Variants in TP63 observed in about 807,000 individuals in gnomAD.
TP63 encodes the protein tumor protein 63.
In TP63, 17 loss-of-function variants were observed where a neutral mutation model predicts 82.8. The ratio of observed to expected loss-of-function variants is 0.21; its 90% CI spans 0.14 to 0.31. The LOEUF is 0.31. TP63 is among the 10% of genes least tolerant of loss of function. The probability of loss-of-function intolerance (pLI) is 1.00; values close to 1 mark genes in which losing one functional copy is unlikely to be tolerated. For synonymous variants in TP63, 330 were observed against 321.7 expected, an observed-to-expected ratio of 1.03 and a Z score of -0.28; for missense variants, 648 against 895.3, an observed-to-expected ratio of 0.72 and a Z score of 3.52.
chr3:189,894,336 T>C lies in TP63; in HGVS notation c.1877T>C (p.Val626Ala), dbSNP rs372318389. The C allele has an allele frequency of 6.2e-7, 1 of 1,613,770 alleles. No homozygotes were observed. Among genetic ancestry groups the C allele is most frequent in the Non-Finnish European group, 8.5e-7 (1 of 1,179,938 alleles). ...LLRTPSSASTVSVGSSETRGE... is the reference protein window; with the variant it reads ...LLRTPSSASTASVGSSETRGE... ...CGGACCCCAAGCAGTGCCTCTACAG[T>C]CAGTGTGGGCTCCAGTGAGACCCGG... The change falls in exon 14 of 14, where the codon GTC (valine) becomes GCC (alanine). Residue 626 changes from valine (V) to alanine (A), a missense_variant. Physicochemically the swap from Val to Ala is moderately conservative, Grantham distance 64. Coordinates refer to ENST00000264731, the MANE Select transcript of TP63 (RefSeq NM_003722.5).
At chr3:189,644,037 T>A (rs1712171910) in intron 1 of TP63, among the ~76,000 whole-genome samples, 1 of 152,190 alleles carries the variant, frequency 6.6e-6, no homozygotes, top group Non-Finnish European at 1.5e-5. Flanking sequence ...TATTCCCTTT[T>A]GATTGCCTTC....
At chr3:189,894,093 A>C in intron 13 of TP63, 113 bp from the exon 14 acceptor site, 2 of 1,339,186 alleles carry the variant, frequency 1.5e-6, no homozygotes, top group Non-Finnish European at 2.1e-6. Context: ...TTTGTGGATC[A>C]ATAGATTCAG....
intron 3 of TP63, among the ~76,000 whole-genome samples, chr3:189,784,830 C>T (rs1724477932): frequency 6.6e-6 from 1 of 152,034 alleles, no homozygotes; most frequent in South Asian, 2.1e-4. Flanking sequence ...CCTTCAGTAG[C>T]TTCCTCAAAT....
At chr3:189,687,106 A>C (rs2108708921) in intron 1 of TP63, among the ~76,000 whole-genome samples, 1 of 152,148 alleles carries the variant, frequency 6.6e-6, no homozygotes, top group Middle Eastern at 3.4e-3. Context: ...TTAGCACTCT[A>C]GATAAGGGAG....
chr3:189,606,113 T>C, the TP63 span, among the ~76,000 whole-genome samples: 1 of 152,200 alleles, frequency 6.6e-6, no homozygotes, highest in Non-Finnish European at 1.5e-5. Context: ...GAAAGAAACA[T>C]TGCTATTCAT....
chr3:189,803,691 G>A (rs542266872), intron 3 of TP63, among the ~76,000 whole-genome samples: 1 of 152,260 alleles, frequency 6.6e-6, no homozygotes, highest in Non-Finnish European at 1.5e-5. Flanking sequence ...AGATCAGCTA[G>A]TTTGTGAGGA....
intron 1 of TP63, among the ~76,000 whole-genome samples, chr3:189,688,597 A>G (rs1305234920): frequency 6.6e-6 from 1 of 152,184 alleles, no homozygotes; most frequent in Non-Finnish European, 1.5e-5. Flanking sequence ...TTTTGCTAGT[A>G]AAGATGTGGC....
intron 1 of TP63, among the ~76,000 whole-genome samples, chr3:189,705,809 T>C (rs1474618187): frequency 6.6e-6 from 1 of 152,176 alleles, no homozygotes; most frequent in Non-Finnish European, 1.5e-5. Context: ...AACACTGGCC[T>C]AGACCTGAAA....
At chr3:189,608,597 C>T in the TP63 span, among the ~76,000 whole-genome samples, 15 of 152,156 alleles carry the variant, frequency 9.9e-5, 1 homozygote, top group African/African-American at 3.6e-4. Context: ...GACTTTTATA[C>T]TTTGTATCTC....
At chr3:189,652,462 A>G (rs1187145390) in intron 1 of TP63, among the ~76,000 whole-genome samples, 1 of 147,166 alleles carries the variant, frequency 6.8e-6, no homozygotes, top group Non-Finnish European at 1.5e-5. Flanking sequence ...TATTGTATCT[A>G]GGAAGTAACT....
intron 1 of TP63, among the ~76,000 whole-genome samples, chr3:189,694,636 T>A (rs1394678365): frequency 6.6e-6 from 1 of 151,974 alleles, no homozygotes; most frequent in Non-Finnish European, 1.5e-5. Context: ...CACATTATAT[T>A]AAGGGTACAT....
chr3:189,711,654 G>C (rs925831045), intron 1 of TP63, among the ~76,000 whole-genome samples: 1 of 152,208 alleles, frequency 6.6e-6, no homozygotes, highest in African/African-American at 2.4e-5. Flanking sequence ...AGAGAACGGA[G>C]AAATTCAGTG....
intron 1 of TP63, among the ~76,000 whole-genome samples, chr3:189,700,604 T>C (rs1717730774): frequency 6.6e-6 from 1 of 152,184 alleles, no homozygotes; most frequent in Non-Finnish European, 1.5e-5. Context: ...CCATTCAGGA[T>C]CAGAGATTAA....
intron 4 of TP63, among the ~76,000 whole-genome samples, chr3:189,852,578 A>G (rs751849356): frequency 2.6e-5 from 4 of 152,146 alleles, no homozygotes; most frequent in Non-Finnish European, 4.4e-5. Flanking sequence ...TTCCCTTTTC[A>G]TTCATTTCTA....
chr3:189,719,572 G>A (rs898334594), intron 1 of TP63, among the ~76,000 whole-genome samples: 3 of 152,144 alleles, frequency 2.0e-5, no homozygotes, highest in African/African-American at 7.2e-5. Flanking sequence ...AAAAAAATCA[G>A]ATTGAATATT....
chr3:189,808,995 A>G (rs568868672), intron 4 of TP63, among the ~76,000 whole-genome samples: 1 of 151,936 alleles, frequency 6.6e-6, no homozygotes, highest in Admixed American at 6.6e-5. Context: ...AATCCCATTT[A>G]TGAAGGAAGG....
intron 10 of TP63, among the ~76,000 whole-genome samples, chr3:189,876,893 A>G (rs574187007): frequency 6.6e-6 from 1 of 152,226 alleles, no homozygotes; most frequent in Non-Finnish European, 1.5e-5. Flanking sequence ...TTCCAAAAAG[A>G]TAGTACCAAT....
chr3:189,854,344 C>T (rs1716027917), intron 4 of TP63, among the ~76,000 whole-genome samples: 1 of 152,202 alleles, frequency 6.6e-6, no homozygotes, highest in Non-Finnish European at 1.5e-5. Flanking sequence ...AATTCTCCTG[C>T]TTCATCCTCC....
chr3:189,808,057 G>T (rs1242809334), intron 3 of TP63, among the ~76,000 whole-genome samples: 5 of 152,210 alleles, frequency 3.3e-5, no homozygotes, highest in African/African-American at 1.2e-4. Flanking sequence ...GGCACATAGA[G>T]CTGAGTGATC....
Sources: gnomAD v4.1 joint callset for allele counts (sites outside exome capture counted in the v4.1 genomes callset) on GRCh38, gnomAD v4.1.1 for gene constraint, MANE v1.5 for transcripts, NCBI Gene and HGNC (gene_info 2026-07-23, HGNC 2026-07-21) for gene names.